NCK2: variants seen among roughly 807,000 people sequenced by gnomAD.
NCK2 encodes the protein cytoplasmic protein NCK2.
A neutral mutation model predicts 33.9 loss-of-function variants in NCK2; 16 were observed. The observed-to-expected ratio is 0.47, with a 90% CI of 0.32 to 0.72. The LOEUF is 0.72. Among genes scored for constraint, NCK2 ranks in the 30% least tolerant of loss-of-function variants. The pLI is 0.03. For synonymous variants in NCK2, 273 were observed against 239.9 expected, an observed-to-expected ratio of 1.14 and a Z score of -1.27; for missense variants, 418 against 537.3, an observed-to-expected ratio of 0.78 and a Z score of 2.19.
chr2:105,779,829 A>G (rs1328128087), intron 1 of NCK2, among the ~76,000 whole-genome samples: 1 of 152,122 alleles, frequency 6.6e-6, no homozygotes, highest in Non-Finnish European at 1.5e-5. Flanking sequence ...GTTCTGTATG[A>G]TGGATTAATT....
chr2:105,765,008 C>T (rs1022226479), intron 1 of NCK2, among the ~76,000 whole-genome samples: 1 of 128,884 alleles, frequency 7.8e-6, no homozygotes, highest in Non-Finnish European at 1.6e-5. Context: ...TATTTCTCTT[C>T]TTCAGTGGAA....
intron 1 of NCK2, among the ~76,000 whole-genome samples, chr2:105,789,499 T>C (rs1443255329): frequency 6.6e-6 from 1 of 152,190 alleles, no homozygotes; most frequent in Admixed American, 6.5e-5. Flanking sequence ...TCACAACCTT[T>C]TTTCAATGAG....
At chr2:105,760,542 A>C (rs1002120843) in intron 1 of NCK2, among the ~76,000 whole-genome samples, 1 of 152,074 alleles carries the variant, frequency 6.6e-6, no homozygotes. Flanking sequence ...ACCTAGCTCT[A>C]AGGCTCCCCG....
At chr2:105,780,481 G>T (rs944116611) in intron 1 of NCK2, among the ~76,000 whole-genome samples, 9 of 152,074 alleles carry the variant, frequency 5.9e-5, no homozygotes, top group Admixed American at 5.2e-4. Context: ...CTCATGTCCT[G>T]TGTCACATCC....
chr2:105,830,506 C>G (rs1466112380), intron 2 of NCK2, among the ~76,000 whole-genome samples: 1 of 152,018 alleles, frequency 6.6e-6, no homozygotes, highest in Non-Finnish European at 1.5e-5. Flanking sequence ...GATTACATAT[C>G]TTGGCTATTG....
At chr2:105,755,046 G>A (rs1689561757) in intron 1 of NCK2, among the ~76,000 whole-genome samples, 1 of 151,916 alleles carries the variant, frequency 6.6e-6, no homozygotes, top group Non-Finnish European at 1.5e-5. Context: ...TAGTGTGTGT[G>A]TTTCCCATCT....
chr2:105,863,861 G>T (rs1276308465), intron 3 of NCK2, among the ~76,000 whole-genome samples: 1 of 152,182 alleles, frequency 6.6e-6, no homozygotes, highest in African/African-American at 2.4e-5. Context: ...CTGAGCCTCA[G>T]TTGCGTCGTC....
rs138919973 is a variant in NCK2, at chr2:105,879,221, T to G, written c.227-2107T>G. 6.9e-3 allele frequency among the ~76,000 whole-genome samples: 1,052 copies of G among 152,362 alleles called. 14 individuals carry two copies. Among genetic ancestry groups the G allele is most frequent in the Non-Finnish European group, 0.013 (878 of 68,028 alleles). ...AAAGTTTATTGTTCAATGTTATTTCTTGACATCATTGTTGCCAATAAAAGT... is the reference window on the plus strand; with the variant it reads ...AAAGTTTATTGTTCAATGTTATTTCGTGACATCATTGTTGCCAATAAAAGT... On this transcript the variant is annotated intron_variant, in intron 3 of 4. Coordinates refer to ENST00000233154, the MANE Select transcript of NCK2 (RefSeq NM_003581.5).
intron 2 of NCK2, among the ~76,000 whole-genome samples, chr2:105,852,097 G>A (rs1677090733): frequency 6.6e-6 from 1 of 152,026 alleles, no homozygotes; most frequent in South Asian, 2.1e-4. Flanking sequence ...CCACGCATCG[G>A]ACGGTTGGGC....
At chr2:105,863,201 C>T (rs192145082) in intron 3 of NCK2, among the ~76,000 whole-genome samples, 4 of 152,158 alleles carry the variant, frequency 2.6e-5, no homozygotes, top group Non-Finnish European at 5.9e-5. Context: ...GCTGGGAAAT[C>T]GGAAATTCTC....
chr2:105,803,834 G>C (rs1674934761), intron 1 of NCK2, among the ~76,000 whole-genome samples: 1 of 152,138 alleles, frequency 6.6e-6, no homozygotes, highest in Non-Finnish European at 1.5e-5. Context: ...TAATTAAGTA[G>C]GTCTCAGGTA....
chr2:105,779,645 G>C (rs1034616536), intron 1 of NCK2, among the ~76,000 whole-genome samples: 1 of 152,080 alleles, frequency 6.6e-6, no homozygotes, highest in African/African-American at 2.4e-5. Context: ...CTTGCTCTCC[G>C]CCCACGGGAG....
chr2:105,826,814 A>ATATG (rs1675971502), intron 2 of NCK2, among the ~76,000 whole-genome samples: 2 of 152,064 alleles, frequency 1.3e-5, no homozygotes, highest in South Asian at 4.1e-4. Flanking sequence ...GTATATATAT[A>ATATG]TATGTATGTG....
At chr2:105,864,208 T>G (rs1188906452) in intron 3 of NCK2, among the ~76,000 whole-genome samples, 1 of 151,414 alleles carries the variant, frequency 6.6e-6, no homozygotes, top group Non-Finnish European at 1.5e-5. Flanking sequence ...CCGGCAGGGG[T>G]CCTGATCCTT....
chr2:105,892,782 G>T (rs1451512629), intron 4 of NCK2, among the ~76,000 whole-genome samples, 200 bp from the exon 5 acceptor site: 1 of 150,954 alleles, frequency 6.6e-6, no homozygotes, highest in Non-Finnish European at 1.5e-5. Flanking sequence ...TGAGGCGGAG[G>T]TTGCAGTGAG....
At chr2:105,835,406 C>CGTGTATATATATGTGTATATATATAT (rs1558861988) in intron 2 of NCK2, among the ~76,000 whole-genome samples, 1 of 24,246 alleles carries the variant, frequency 4.1e-5, no homozygotes, top group African/African-American at 1.2e-4. Context: ...TATATATATA[C>CGTGTATATATATGTGTATATATATAT]GTGTATATAT....
chr2:105,810,250 A>G (rs1675237877), intron 1 of NCK2, among the ~76,000 whole-genome samples: 3 of 152,224 alleles, frequency 2.0e-5, no homozygotes, highest in African/African-American at 7.2e-5. Context: ...AAAAGTGTTA[A>G]TAATAGTTGT....
chr2:105,749,708 C>T lies in NCK2; in HGVS notation c.-201+4570C>T, dbSNP rs575722148. On this transcript the variant is annotated intron_variant, in intron 1 of 4. Coordinates refer to ENST00000233154, the MANE Select transcript of NCK2 (RefSeq NM_003581.5). ...GGAGCAGATTCTGGATGTGAGTTGA[C>T]TGAGGTTGAGCGGTGTGAGGGGAGG... 3.3e-5 allele frequency among the ~76,000 whole-genome samples: 5 copies of T among 151,986 alleles called. No homozygotes were observed. The East Asian group carries it at 9.7e-4, about 29-fold the overall frequency.
rs549913571 is a variant in NCK2, at chr2:105,782,594, T to C, written c.-200-33836T>C. Among the ~76,000 whole-genome samples the C allele has an allele frequency of 8.7e-4, 133 of 152,354 alleles. 1 individual carries two copies. The highest frequency in any genetic ancestry group is 3.1e-3 in the African/African-American group (130 of 41,588). On this transcript the variant is annotated intron_variant, in intron 1 of 4. Coordinates refer to ENST00000233154, the MANE Select transcript of NCK2 (RefSeq NM_003581.5). ...CATAGGTAGTATGTGGTTTTAGTAC[T>C]TTTTATTTTGTTAGAGCAGTTTTGT...
Sources: gnomAD v4.1 joint callset for allele counts (sites outside exome capture counted in the v4.1 genomes callset) on GRCh38, gnomAD v4.1.1 for gene constraint, MANE v1.5 for transcripts, NCBI Gene and HGNC (gene_info 2026-07-23, HGNC 2026-07-21) for gene names.